RNF17: variants seen among roughly 807,000 people sequenced by gnomAD.
RNF17 encodes ring finger protein 17.
In RNF17, 31 loss-of-function variants were observed where a neutral mutation model predicts 200.5. That is an observed-to-expected ratio of 0.15 (90% CI 0.12 to 0.21). The LOEUF is 0.21. Ranked by LOEUF, RNF17 falls within the 10% of genes least tolerant of loss-of-function variation. The pLI is 1.00. For synonymous variants in RNF17, 606 were observed against 637.8 expected (o/e 0.95, Z 0.75); for missense variants, 1,628 against 1,905.1 (o/e 0.85, Z 2.71).
At position 24,877,170 on chromosome 13, in the gene RNF17, T is replaced by C; in HGVS notation, c.4757T>C (p.Leu1586Pro). The change falls in exon 34 of 36, where the codon CTC becomes CCC. Residue 1586 changes from leucine (L) to proline (P), a missense_variant. Leu to Pro is a moderately conservative substitution (Grantham distance 98). This residue lies in a region of RNF17 where 609 missense variants were observed against 681.9 expected (regional missense o/e 0.89). Coordinates refer to ENST00000255324, the MANE Select transcript of RNF17 (RefSeq NM_031277.3). Reference sequence around the variant, plus strand: ...ATAGACTGTCTTCAAGGAAAACAACTCTATGCTGTGTCCATGGTAAGTGTC... The same window carrying C: ...ATAGACTGTCTTCAAGGAAAACAACCCTATGCTGTGTCCATGGTAAGTGTC... ...AMIDCLQGKQ[L>P]YAVSMAPAPE... 2 of 1,612,340 alleles carry C rather than the reference T, an allele frequency of 1.2e-6. No individual in the cohort carries two copies. Among genetic ancestry groups the C allele is most frequent in the Non-Finnish European group, 1.7e-6 (2 of 1,179,416 alleles).
chr13:24,797,712 G>GTCTC (rs1471088786), intron 11 of RNF17, among the ~76,000 whole-genome samples: 13 of 148,992 alleles, frequency 8.7e-5, no homozygotes, highest in East Asian at 4.0e-4. Context: ...AAGAGTGTGT[G>GTCTC]TGTGTGTGTG....
chr13:24,780,337 G>A (rs1396698897), intron 5 of RNF17, among the ~76,000 whole-genome samples: 9 of 152,014 alleles, frequency 5.9e-5, no homozygotes, highest in African/African-American at 2.2e-4. Flanking sequence ...AGAGAAAAGG[G>A]GAAAAAATAA....
chr13:24,763,204 C>CTT (rs11329776), upstream of RNF17, among the ~76,000 whole-genome samples: 10 of 129,178 alleles, frequency 7.7e-5, no homozygotes, highest in African/African-American at 2.3e-4. Context: ...TGCTTCAACT[C>CTT]TTTTTTTTTT....
intron 26 of RNF17, among the ~76,000 whole-genome samples, chr13:24,859,949 C>T (rs1345302233): frequency 2.6e-5 from 4 of 151,968 alleles, no homozygotes; most frequent in Admixed American, 2.6e-4. Context: ...CAGTGACCTG[C>T]CAGGGTCACT....
chr13:24,764,247 A>T lies in RNF17; in HGVS notation c.44A>T (p.Tyr15Phe). 1 of 1,609,344 alleles carries T rather than the reference A, an allele frequency of 6.2e-7. No individual in the cohort carries two copies. The highest frequency in any genetic ancestry group is 2.2e-5 in the East Asian group (1 of 44,808). The stretch of plus-strand genomic sequence containing the variant: ...AAGACTGGGCCTTCTAGGTCTTCCT[A>T]CCAGCGAATGGGGAGGAAGAGTCAG... ...ASKTGPSRSS[Y>F]QRMGRKSQPW... Residue 15 changes from tyrosine to phenylalanine, a missense_variant, in exon 1 of 36, where the codon TAC becomes TTC. By Grantham distance (22) the Tyr-to-Phe change is conservative. Coordinates refer to ENST00000255324, the MANE Select transcript of RNF17 (RefSeq NM_031277.3).
intron 19 of RNF17, among the ~76,000 whole-genome samples, 164 bp downstream of exon 19, chr13:24,842,325 C>T (rs1380354707): frequency 6.6e-6 from 1 of 152,092 alleles, no homozygotes; most frequent in Admixed American, 6.5e-5. Context: ...TAACTGGAGT[C>T]ATTAATGAGG....
At chr13:24,798,610 A>G (rs1359768854) in intron 11 of RNF17, among the ~76,000 whole-genome samples, 1 of 152,210 alleles carries the variant, frequency 6.6e-6, no homozygotes, top group Non-Finnish European at 1.5e-5. Flanking sequence ...CTAAGTAGCC[A>G]TGTGAGTTGG....
At chr13:24,862,274 A>T (rs1231394042) in intron 27 of RNF17, among the ~76,000 whole-genome samples, 1 of 152,228 alleles carries the variant, frequency 6.6e-6, no homozygotes. Context: ...TCCACTTCAG[A>T]TGGCTGACTC....
Position 24,796,255 on chromosome 13 carries a change from T to C in RNF17, c.1359T>C (p.Asn453=), listed in dbSNP as rs1366547107. 2 of 1,612,008 alleles carry C rather than the reference T, an allele frequency of 1.2e-6. No homozygotes were observed. The highest frequency in any genetic ancestry group is 3.3e-5 in the Admixed American group (2 of 59,914). The change falls in exon 11 of 36, where the codon AAT becomes AAC. Residue 453 remains asparagine, a synonymous_variant. Transcript: ENST00000255324. The stretch of plus-strand genomic sequence containing the variant: ...AGAAGAAGGTGAATGAATTTTGCAA[T>C]AGGAGTTCACACCTTGATCCTTCAG... The part of the protein sequence containing the change: ...VLEKKVNEFC[N]RSSHLDPSDI...
At chr13:24,786,472 A>G (rs939380511) in intron 6 of RNF17, among the ~76,000 whole-genome samples, 6 of 152,170 alleles carry the variant, frequency 3.9e-5, no homozygotes, top group Admixed American at 3.3e-4. Context: ...ATGTTTGCCC[A>G]TGTATTTACC....
At chr13:24,876,063 T>C (rs1894822490) in intron 33 of RNF17, among the ~76,000 whole-genome samples, 1 of 152,156 alleles carries the variant, frequency 6.6e-6, no homozygotes. Flanking sequence ...TTCCTAATCT[T>C]ACAAAGTATT....
At chr13:24,870,981 T>C (rs1056769600) in intron 32 of RNF17, among the ~76,000 whole-genome samples, 9 of 152,226 alleles carry the variant, frequency 5.9e-5, no homozygotes, top group African/African-American at 9.6e-5. Flanking sequence ...GTTCCACAAA[T>C]AAGACAGCGT....
At chr13:24,794,061 G>T (rs1301876464) in intron 10 of RNF17, 1 of 371,562 alleles carries the variant, frequency 2.7e-6, no homozygotes, top group Non-Finnish European at 5.2e-6. Context: ...TGCCATTCCA[G>T]TGTTTTGCCA....
At chr13:24,852,118 A>T (rs1347972103) in intron 24 of RNF17, among the ~76,000 whole-genome samples, 4 of 149,700 alleles carry the variant, frequency 2.7e-5, no homozygotes, top group Non-Finnish European at 5.9e-5. Context: ...GCTCTAGCTT[A>T]ATCTTTTCTC....
intron 3 of RNF17, among the ~76,000 whole-genome samples, 156 bp from the exon 4 acceptor site, chr13:24,778,139 A>G (rs1284140137): frequency 6.6e-6 from 1 of 152,042 alleles, no homozygotes; most frequent in African/African-American, 2.4e-5. Context: ...GCACATGCCT[A>G]TGGTCCCAGC....
intron 16 of RNF17, among the ~76,000 whole-genome samples, chr13:24,829,021 A>G (rs1444115171): frequency 6.6e-6 from 1 of 151,992 alleles, no homozygotes; most frequent in African/African-American, 2.4e-5. Flanking sequence ...CCTGGGCTCA[A>G]GTGATCCTCC....
intron 14 of RNF17, among the ~76,000 whole-genome samples, chr13:24,803,146 C>CTT (rs34353127): frequency 0.98 from 149,625 of 152,290 alleles, 73,543 homozygotes; most frequent in Middle Eastern, 1. Context: ...CTCTTGATAA[C>CTT]TATTAGCAGC....
At chr13:24,851,236 C>T (rs918473738) in intron 23 of RNF17, among the ~76,000 whole-genome samples, 20 of 152,180 alleles carry the variant, frequency 1.3e-4, no homozygotes, top group African/African-American at 4.3e-4. Flanking sequence ...TCAAGTGATC[C>T]GCCCACTTCT....
In RNF17 at chr13:24,802,469, A is replaced by T; in HGVS notation, c.1847A>T (p.Asp616Val). 6.2e-7 allele frequency: 1 copy of T among 1,613,998 alleles called. No individual in the cohort carries two copies. The highest frequency in any genetic ancestry group is 8.5e-7 in the Non-Finnish European group (1 of 1,179,870). Residue 616 changes from aspartate (D) to valine (V), a missense_variant, in exon 14 of 36, where the codon GAT (aspartate) becomes GTT (valine). Transcript: ENST00000255324. Reference protein sequence around the residue: ...AVSMKVFREEDGVLIVDLQKP... With the variant: ...AVSMKVFREEVGVLIVDLQKP... ...TCAATGAAAGTTTTTAGAGAAGAAG[A>T]TGGTGTGCTTATTGTAGATCTGCAA... is the stretch of plus-strand genomic sequence containing the variant.
Sources: gnomAD v4.1 joint callset for allele counts (sites outside exome capture counted in the v4.1 genomes callset) on GRCh38, gnomAD v4.1.1 for gene constraint, gnomAD v4.1.1 regional missense constraint, MANE v1.5 for transcripts, NCBI Gene and HGNC (gene_info 2026-07-23, HGNC 2026-07-21) for gene names.